PTTG1IP: variants seen among roughly 807,000 people sequenced by gnomAD.
PTTG1IP encodes the protein PTTG1 interacting protein.
PTTG1IP carries 16 observed loss-of-function variants against 24.4 expected under a neutral mutation model. That is an observed-to-expected ratio of 0.66 (90% CI 0.44 to 1.00). The LOEUF (loss-of-function observed/expected upper bound fraction) is 1.00, where lower values mean the gene tolerates loss of function less well. Among genes scored for constraint, PTTG1IP ranks in the 50% least tolerant of loss-of-function variants. The pLI is 0.00. For synonymous variants in PTTG1IP, 89 were observed against 96.8 expected (o/e 0.92, Z 0.47); for missense variants, 241 against 245.8 (o/e 0.98, Z 0.13).
intron 3 of PTTG1IP, among the ~76,000 whole-genome samples, chr21:44,859,058 G>A (rs900498355): frequency 3.9e-5 from 6 of 152,196 alleles, no homozygotes; most frequent in African/African-American, 1.2e-4. Flanking sequence ...ACACAACACC[G>A]CTCACAGCAG....
Position 44,856,352 on chromosome 21 carries a change from G to T in PTTG1IP, c.290C>A (p.Ala97Glu), listed in dbSNP as rs1433045193. ...RWGVCWVNFE[A>E]LIITMSVVGG... ...GACTACCGACATGGTGATGATCAGCGCCTCAAAGTTCACTGGAGATTCAAG... is the reference window on the plus strand; with the variant it reads ...GACTACCGACATGGTGATGATCAGCTCCTCAAAGTTCACTGGAGATTCAAG... Residue 97 changes from alanine (A) to glutamate (E), a missense_variant, in exon 4 of 6, where the codon GCG becomes GAG. Transcript: ENST00000330938. The T allele has an allele frequency of 6.2e-7, 1 of 1,611,970 alleles. No homozygotes were observed. Among genetic ancestry groups the T allele is most frequent in the Non-Finnish European group, 8.5e-7 (1 of 1,178,582 alleles).
chr21:44,853,735 C>A (rs529025644), intron 5 of PTTG1IP, among the ~76,000 whole-genome samples: 1 of 152,082 alleles, frequency 6.6e-6, no homozygotes, highest in South Asian at 2.1e-4. Flanking sequence ...AAACAACAGG[C>A]GACAGAGAGG....
chr21:44,863,268 G>A (rs879064767), intron 2 of PTTG1IP, among the ~76,000 whole-genome samples: 5,142 of 84,652 alleles, frequency 0.061, 521 homozygotes, highest in South Asian at 0.079. Context: ...CCACGGCCTC[G>A]GCAACACAGA....
At chr21:44,869,499 A>G (rs558811982) in intron 1 of PTTG1IP, among the ~76,000 whole-genome samples, 1 of 152,332 alleles carries the variant, frequency 6.6e-6, no homozygotes, top group Non-Finnish European at 1.5e-5. Flanking sequence ...GAGTCTTGCT[A>G]TGTCACCCAG....
chr21:44,861,111 A>G (rs1569324012), intron 3 of PTTG1IP, 52 bp downstream of exon 3: 1 of 1,532,008 alleles, frequency 6.5e-7, no homozygotes, highest in Non-Finnish European at 9.0e-7. Flanking sequence ...CCATACTACT[A>G]TTTTCAAAGA....
At chr21:44,866,392 CACACACAG>C in intron 1 of PTTG1IP, among the ~76,000 whole-genome samples, 1 of 115,778 alleles carries the variant, frequency 8.6e-6, no homozygotes, top group Non-Finnish European at 1.7e-5. Context: ...CACACACACA[CACACACAG>C]AGACTGCCTA....
chr21:44,863,162 AGCCC>A (rs2146464259), intron 2 of PTTG1IP, among the ~76,000 whole-genome samples: 1 of 146,736 alleles, frequency 6.8e-6, no homozygotes, highest in East Asian at 2.0e-4. Flanking sequence ...GCAGAGACAC[AGCCC>A]ACCACGGCCT....
At chr21:44,868,575 G>C (rs2083560792) in intron 1 of PTTG1IP, among the ~76,000 whole-genome samples, 2 of 152,188 alleles carry the variant, frequency 1.3e-5, no homozygotes, top group African/African-American at 4.8e-5. Context: ...CCAGAAGCCA[G>C]CCTGGAGGGA....
chr21:44,851,767 G>T, intron 5 of PTTG1IP, 140 bp from the exon 6 acceptor site: 1 of 974,850 alleles, frequency 1.0e-6, no homozygotes, highest in Non-Finnish European at 1.4e-6. Flanking sequence ...CTCTCATACA[G>T]TGCTTAACCT....
At chr21:44,857,465 C>T (rs980766074) in intron 3 of PTTG1IP, among the ~76,000 whole-genome samples, 3 of 152,202 alleles carry the variant, frequency 2.0e-5, no homozygotes, top group Non-Finnish European at 4.4e-5. Context: ...CCAGCCCGGG[C>T]AACACGGCAA....
rs1321229331 is a variant in PTTG1IP, at chr21:44,856,204, C to T, written c.438G>A (p.Arg146=). 1 of 1,614,180 alleles carries T rather than the reference C, an allele frequency of 6.2e-7. No homozygotes were observed. The highest frequency in any genetic ancestry group is 8.5e-7 in the Non-Finnish European group (1 of 1,180,008). ...AMREREERRI[R]QEERRAEMKT... is the part of the protein sequence containing the mutation. ...CACCACCACCTCACCGTTCCTCCTG[C>T]CGTATCCGCCTCTCCTCCCGCTCAC... Residue 146 remains arginine (R), a synonymous_variant, in exon 4 of 6, where the codon CGG becomes CGA. Coordinates refer to ENST00000330938, the MANE Select transcript of PTTG1IP (RefSeq NM_004339.4).
chr21:44,866,773 C>T lies in PTTG1IP; in HGVS notation c.116-1326G>A, dbSNP rs138824905. 4.5e-3 allele frequency among the ~76,000 whole-genome samples: 687 copies of T among 152,196 alleles called. 2 individuals are homozygous for T. Among genetic ancestry groups the T allele is most frequent in the Middle Eastern group, 0.017 (5 of 294 alleles). On this transcript the variant is annotated intron_variant, in intron 1 of 5. Coordinates refer to ENST00000330938, the MANE Select transcript of PTTG1IP (RefSeq NM_004339.4). Reference sequence around the variant, plus strand: ...CACCAGACAAAGGCAAATTAAAACTCCAAATGACAGATGACTACACACCTA... The same window carrying T: ...CACCAGACAAAGGCAAATTAAAACTTCAAATGACAGATGACTACACACCTA...
At position 44,861,713 on chromosome 21, in the gene PTTG1IP, C is replaced by G. The variant is rs189762285; in HGVS notation, c.169-442G>C. ...GACTGGACACAACCAGCCGCCTCCA[C>G]CCCCTCCTCCTCACCTCCTGTGAGG... On this transcript the variant is annotated intron_variant, in intron 2 of 5. Transcript: ENST00000330938. 1.1e-3 allele frequency: 822 copies of G among 716,416 alleles called. 5 individuals carry two copies. Among genetic ancestry groups the G allele is most frequent in the African/African-American group, 0.011 (645 of 57,320 alleles). The allele number at this position is 716,416 out of a possible 1,614,324, so 44.4% of individuals were successfully genotyped here. A position where few individuals can be genotyped will look rare whatever the true frequency, so the allele number is the denominator to read the frequency against.
rs868476417 is a variant in PTTG1IP, at chr21:44,863,217, G to C, written c.169-1946C>G. Among the ~76,000 whole-genome samples the C allele has an allele frequency of 1.4e-4, 13 of 90,598 alleles. 1 individual carries two copies. The highest frequency in any genetic ancestry group is 2.9e-4 in the African/African-American group (7 of 23,924). The allele number at this position is 90,598 out of a possible 152,430, so 59.4% of individuals were successfully genotyped here. On this transcript the variant is annotated intron_variant, in intron 2 of 5. Coordinates refer to ENST00000330938, the MANE Select transcript of PTTG1IP (RefSeq NM_004339.4). ...AGCCCACCACGGCCTCAGCAGCAGA[G>C]ACACAGCCCACCACGGCCTCAGCAG...
intron 2 of PTTG1IP, among the ~76,000 whole-genome samples, chr21:44,862,145 C>T (rs1473986321): frequency 1.3e-5 from 2 of 152,200 alleles, no homozygotes; most frequent in South Asian, 2.1e-4. Context: ...CAACGAGGCC[C>T]GAAAGCGGTC....
rs117458692 is a variant in PTTG1IP at position 44,858,461 on chromosome 21, G to A, written c.278-2097C>T. ...GCTCAGACAGCCTCTTCCTCCTCCC[G>A]GCAGGGCCAGGCACACTTTCTGTTT... On this transcript the variant is annotated intron_variant, in intron 3 of 5. Coordinates refer to ENST00000330938, the MANE Select transcript of PTTG1IP (RefSeq NM_004339.4). Among the ~76,000 whole-genome samples, 522 of 152,270 alleles carry A rather than the reference G, an allele frequency of 3.4e-3. 2 individuals are homozygous for A. The highest frequency in any genetic ancestry group is 0.014 in the Middle Eastern group (4 of 294).
intron 1 of PTTG1IP, among the ~76,000 whole-genome samples, chr21:44,868,773 C>G (rs76053454): frequency 6.6e-6 from 1 of 152,286 alleles, no homozygotes; most frequent in East Asian, 1.9e-4. Flanking sequence ...GCAAGAATTC[C>G]CCAAAGATGC....
intron 2 of PTTG1IP, among the ~76,000 whole-genome samples, chr21:44,863,074 ACGGCCTCGG>A: frequency 7.4e-6 from 1 of 135,054 alleles, no homozygotes; most frequent in South Asian, 2.4e-4. Flanking sequence ...ACAGCCCGCC[ACGGCCTCGG>A]CAACACAGAG....
At chr21:44,868,762 G>T (rs180714759) in intron 1 of PTTG1IP, among the ~76,000 whole-genome samples, 1 of 152,292 alleles carries the variant, frequency 6.6e-6, no homozygotes, top group Non-Finnish European at 1.5e-5. Flanking sequence ...CACTAATGCA[G>T]GCAAGAATTC....
Sources: allele counts gnomAD v4.1 joint callset (sites outside exome capture counted in the v4.1 genomes callset), GRCh38; gene constraint gnomAD v4.1.1; transcripts MANE v1.5; gene names NCBI Gene and HGNC (gene_info 2026-07-23, HGNC 2026-07-21).